Variants in LRP1B observed in about 807,000 individuals in gnomAD.
The protein encoded by LRP1B is LDL receptor related protein 1B, also known as low-density lipoprotein receptor-related protein 1B.
Under a neutral mutation model 556.6 loss-of-function variants are expected in LRP1B, and 217 were observed. The ratio of observed to expected loss-of-function variants is 0.39; its 90% CI spans 0.35 to 0.44. The LOEUF (loss-of-function observed/expected upper bound fraction) is 0.44, where lower values mean the gene tolerates loss of function less well. Ranked by LOEUF, LRP1B falls within the 20% of genes least tolerant of loss-of-function variation. LRP1B has a pLI of 1.00. For missense variants in LRP1B, 5,053 were observed against 5,620.8 expected (o/e 0.90, Z 3.23); for synonymous variants, 2,047 against 1,865.8 (o/e 1.10, Z -2.50).
At chr2:140,553,253 T>G (rs1014156416) in intron 43 of LRP1B, among the ~76,000 whole-genome samples, 8 of 151,888 alleles carry the variant, frequency 5.3e-5, no homozygotes, top group African/African-American at 1.9e-4. Context: ...ACCAAAAAAC[T>G]AAAATAAAAT....
intron 3 of LRP1B, among the ~76,000 whole-genome samples, chr2:141,337,707 G>A (rs1687899286): frequency 6.6e-6 from 1 of 152,004 alleles, no homozygotes; most frequent in Admixed American, 6.6e-5. Context: ...TGTTAATATG[G>A]TTTTGGCATT....
intron 1 of LRP1B, among the ~76,000 whole-genome samples, chr2:141,875,850 T>C (rs1358388838): frequency 2.0e-5 from 3 of 151,958 alleles, no homozygotes; most frequent in Admixed American, 2.0e-4. Context: ...GCGAGGGTAA[T>C]ATATGTATAC....
intron 1 of LRP1B, among the ~76,000 whole-genome samples, chr2:142,018,728 G>T (rs1047526614): frequency 6.6e-6 from 1 of 151,016 alleles, no homozygotes; most frequent in East Asian, 1.9e-4. Context: ...GTCAAATATA[G>T]AACTGAATAA....
chr2:141,130,809 T>C (rs1038743781), intron 7 of LRP1B, among the ~76,000 whole-genome samples: 4 of 151,968 alleles, frequency 2.6e-5, no homozygotes, highest in African/African-American at 9.7e-5. Context: ...ATCAAGAAAA[T>C]GTGGCACATA....
intron 2 of LRP1B, among the ~76,000 whole-genome samples, chr2:141,685,311 A>T (rs1691256165): frequency 6.6e-6 from 1 of 152,064 alleles, no homozygotes; most frequent in Non-Finnish European, 1.5e-5. Context: ...AGATGATTAT[A>T]TTTGGGACTT....
intron 59 of LRP1B, among the ~76,000 whole-genome samples, chr2:140,478,250 C>T (rs1044215014): frequency 2.7e-5 from 4 of 149,980 alleles, no homozygotes; most frequent in South Asian, 2.1e-4. Flanking sequence ...CCCGGGTTCA[C>T]GCCATTCTCC....
rs75950542 is a variant in LRP1B at position 141,706,179 on chromosome 2, A to C, written c.205+104100T>G. Among the ~76,000 whole-genome samples, 150 of 152,128 alleles carry C rather than the reference A, an allele frequency of 9.9e-4. No homozygotes were observed. In the East Asian group the frequency reaches 0.026, roughly 27 times the overall value. ...AATGCAATCTTTTCTAATGTATGCC[A>C]TCTTTCATTCTCAGTGGAACACTTA... On this transcript the variant is annotated intron_variant, in intron 2 of 90. Coordinates refer to ENST00000389484, the MANE Select transcript of LRP1B (RefSeq NM_018557.3).
chr2:140,385,919 C>G lies in LRP1B; in HGVS notation c.10505G>C (p.Ser3502Thr), dbSNP rs1207638192. ...ACAGTTTTCTTCATCTGAATTATCA[C>G]TGCAGTCATTTTGGCTATCACACCG... ...HWRCDSQNDCSDNSDEENCKP... is the reference protein window; with the variant it reads ...HWRCDSQNDCTDNSDEENCKP... Residue 3502 changes from serine (S) to threonine (T), a missense_variant, in exon 67 of 91, where the codon AGT (serine) becomes ACT (threonine). Coordinates refer to ENST00000389484, the MANE Select transcript of LRP1B (RefSeq NM_018557.3). 3 of 1,612,266 alleles carry G rather than the reference C, an allele frequency of 1.9e-6. No individual in the cohort carries two copies. The highest frequency in any genetic ancestry group is 2.5e-6 in the Non-Finnish European group (3 of 1,178,422).
chr2:141,597,652 T>C (rs1181862066), intron 2 of LRP1B, among the ~76,000 whole-genome samples: 2 of 152,138 alleles, frequency 1.3e-5, no homozygotes, highest in African/African-American at 4.8e-5. Context: ...CAAATACAGT[T>C]TGCTTTATGA....
intron 31 of LRP1B, among the ~76,000 whole-genome samples, chr2:140,835,784 C>T (rs1275419797): frequency 6.6e-6 from 1 of 152,164 alleles, no homozygotes; most frequent in Non-Finnish European, 1.5e-5. Flanking sequence ...GGTGATCCAC[C>T]TGCCTCAGCC....
chr2:140,898,788 C>A, intron 23 of LRP1B: 1 of 561,188 alleles, frequency 1.8e-6, no homozygotes, highest in Non-Finnish European at 3.4e-6. Context: ...ACTGGGAGCG[C>A]TATCACCCAA....
intron 76 of LRP1B, among the ~76,000 whole-genome samples, chr2:140,351,991 G>T (rs903035851): frequency 1.9e-4 from 29 of 152,004 alleles, no homozygotes; most frequent in African/African-American, 6.8e-4. Context: ...AAATGCTATA[G>T]CCCACAGTTG....
chr2:141,465,972 T>C (rs1241332591), intron 3 of LRP1B, among the ~76,000 whole-genome samples: 2 of 152,134 alleles, frequency 1.3e-5, no homozygotes, highest in Admixed American at 6.6e-5. Context: ...CACTGCAACC[T>C]CTGTCCCCCA....
chr2:140,524,373 G>A (rs1352006506), intron 49 of LRP1B, among the ~76,000 whole-genome samples: 2 of 151,844 alleles, frequency 1.3e-5, no homozygotes, highest in South Asian at 2.1e-4. Flanking sequence ...ACTGTTGATC[G>A]GAGTGTAAAT....
intron 41 of LRP1B, among the ~76,000 whole-genome samples, chr2:140,606,944 C>T (rs1239105879): frequency 6.6e-6 from 1 of 151,834 alleles, no homozygotes; most frequent in Non-Finnish European, 1.5e-5. Context: ...AAAAGAAAAA[C>T]AGATGTTAGA....
At chr2:140,522,460 C>T (rs192463257) in intron 49 of LRP1B, among the ~76,000 whole-genome samples, 38 of 151,668 alleles carry the variant, frequency 2.5e-4, no homozygotes, top group Middle Eastern at 3.4e-3. Flanking sequence ...ACTAAATGTC[C>T]ACATCAAAAA....
chr2:141,167,959 C>A (rs1238052966), intron 7 of LRP1B, among the ~76,000 whole-genome samples: 1 of 151,948 alleles, frequency 6.6e-6, no homozygotes, highest in Non-Finnish European at 1.5e-5. Flanking sequence ...TACAACTACT[C>A]TGTGCTAGAT....
chr2:141,265,047 C>A (rs73962892), intron 3 of LRP1B, among the ~76,000 whole-genome samples: 2 of 152,124 alleles, frequency 1.3e-5, no homozygotes, highest in Non-Finnish European at 2.9e-5. Context: ...GCACCTCCAT[C>A]GGGCACCGAG....
In LRP1B at chr2:140,385,973, T is replaced by C. The variant is rs2105198779; in HGVS notation, c.10451A>G (p.Lys3484Arg). The change falls in exon 67 of 91, where the codon AAA becomes AGA. Residue 3484 changes from lysine (K) to arginine (R), a missense_variant. Physicochemically the swap from Lys to Arg is conservative, Grantham distance 26. Around this residue, in one of 5 missense-constraint regions of LRP1B, gnomAD observed 262 missense variants for 395.1 expected, o/e 0.66. Coordinates refer to ENST00000389484, the MANE Select transcript of LRP1B (RefSeq NM_018557.3). ...KTCGPHEFQC[K>R]NNNCIPDHWR... ...GTGATCGGGAATACAGTTGTTGTTTTTACACTGGAATTCATGAGGTCCACA... is the reference window on the plus strand; with the variant it reads ...GTGATCGGGAATACAGTTGTTGTTTCTACACTGGAATTCATGAGGTCCACA... 1 of 1,613,478 alleles carries C rather than the reference T, an allele frequency of 6.2e-7. No homozygotes were observed. The highest frequency in any genetic ancestry group is 8.5e-7 in the Non-Finnish European group (1 of 1,179,514).
Sources: allele counts gnomAD v4.1 joint callset (sites outside exome capture counted in the v4.1 genomes callset), GRCh38; gene constraint gnomAD v4.1.1; regional missense constraint gnomAD v4.1.1; transcripts MANE v1.5; gene names NCBI Gene and HGNC (gene_info 2026-07-23, HGNC 2026-07-21).